Variants in PRIMPOL observed in about 807,000 individuals in gnomAD.
The protein encoded by PRIMPOL is DNA-directed primase/polymerase protein.
A neutral mutation model predicts 63.6 loss-of-function variants in PRIMPOL; 54 were observed. The observed-to-expected ratio is 0.85, with a 90% CI of 0.68 to 1.07. PRIMPOL has a LOEUF of 1.07. PRIMPOL is among the 50% of genes least tolerant of loss of function. PRIMPOL has a pLI of 0.00. For missense variants in PRIMPOL, 610 were observed against 648.3 expected (o/e 0.94, Z 0.64); for synonymous variants, 197 against 220.2 (o/e 0.89, Z 0.93).
At chr4:184,667,115 C>A (rs952606794) in intron 6 of PRIMPOL, among the ~76,000 whole-genome samples, 2 of 152,152 alleles carry the variant, frequency 1.3e-5, no homozygotes, top group African/African-American at 4.8e-5. Context: ...GGCATGAAAG[C>A]CAGGAACCTG....
At chr4:184,679,728 G>T (rs1318699869) in intron 8 of PRIMPOL, among the ~76,000 whole-genome samples, 1 of 152,076 alleles carries the variant, frequency 6.6e-6, no homozygotes, top group African/African-American at 2.4e-5. Flanking sequence ...CCTCAGCTCC[G>T]CCTCCTGCCA....
At chr4:184,684,873 G>T (rs1756608534) in intron 9 of PRIMPOL, among the ~76,000 whole-genome samples, 1 of 152,146 alleles carries the variant, frequency 6.6e-6, no homozygotes, top group East Asian at 1.9e-4. Flanking sequence ...AAAAAAACCA[G>T]CAGTTGCTTC....
At chr4:184,679,975 T>C (rs1755169918) in intron 8 of PRIMPOL, among the ~76,000 whole-genome samples, 1 of 152,208 alleles carries the variant, frequency 6.6e-6, no homozygotes, top group Admixed American at 6.5e-5. Flanking sequence ...GGAAATGATG[T>C]TGAACAAAAC....
intron 7 of PRIMPOL, among the ~76,000 whole-genome samples, chr4:184,676,340 C>A (rs1443837111): frequency 1.3e-4 from 17 of 127,676 alleles, no homozygotes; most frequent in African/African-American, 4.6e-4. Context: ...CCTTCCCTTC[C>A]TTTCTCCTTT....
intron 2 of PRIMPOL, among the ~76,000 whole-genome samples, chr4:184,652,407 A>G (rs1200275975): frequency 2.3e-4 from 5 of 21,714 alleles, no homozygotes; most frequent in South Asian, 2.6e-3. Context: ...GAGGAACTGG[A>G]AAAAAAAAAA....
At position 184,677,535 on chromosome 4, in the gene PRIMPOL, GT is replaced by G. The variant is rs58069133; in HGVS notation, c.845-696del. On this transcript the variant is annotated intron_variant, in intron 7 of 13. Coordinates refer to ENST00000314970, the MANE Select transcript of PRIMPOL (RefSeq NM_152683.4). The stretch of plus-strand genomic sequence containing the variant: ...TTATATATTAGATAGGCACGACACT[GT>G]CTAATATAGTTTTGTTATAAGTCTT... Among the ~76,000 whole-genome samples the G allele has an allele frequency of 0.021, 172 of 8,276 alleles. 1 individual carries two copies. The East Asian group carries it at 0.49, about 24-fold the overall frequency. 5.4% of individuals were successfully genotyped at this position (8,276 alleles called of 152,430 possible). A position where few individuals can be genotyped will look rare whatever the true frequency, so the allele number is the denominator to read the frequency against.
intron 5 of PRIMPOL, among the ~76,000 whole-genome samples, chr4:184,663,270 C>T (rs1489925178): frequency 6.6e-6 from 1 of 152,064 alleles, no homozygotes; most frequent in Non-Finnish European, 1.5e-5. Flanking sequence ...TTCTTGAACT[C>T]CTGGCCTCAA....
chr4:184,683,291 C>T (rs1049752972), intron 9 of PRIMPOL, among the ~76,000 whole-genome samples: 1 of 151,836 alleles, frequency 6.6e-6, no homozygotes, highest in African/African-American at 2.4e-5. Context: ...GGCATGGTGG[C>T]GGGTGCCTGT....
rs567589165 is a variant in PRIMPOL, at chr4:184,682,729, T to G, written c.1096+393T>G. Among the ~76,000 whole-genome samples the G allele has an allele frequency of 2.0e-5, 3 of 152,266 alleles. No individual in the cohort carries two copies. In the East Asian group the frequency reaches 5.8e-4, roughly 29 times the overall value. Reference sequence around the variant, plus strand: ...GTTTTGCCTTTAAAATCTTCAGTGTTAAGTGTTCATAATCACTGACCTTTC... The same window carrying G: ...GTTTTGCCTTTAAAATCTTCAGTGTGAAGTGTTCATAATCACTGACCTTTC... On this transcript the variant is annotated intron_variant, in intron 9 of 13. Coordinates refer to ENST00000314970, the MANE Select transcript of PRIMPOL (RefSeq NM_152683.4).
chr4:184,659,504 T>C, intron 4 of PRIMPOL, 67 bp downstream of exon 4: 1 of 1,162,750 alleles, frequency 8.6e-7, no homozygotes, highest in Non-Finnish European at 1.3e-6. Flanking sequence ...GGAATTTTGG[T>C]GAAATTAGTT....
intron 11 of PRIMPOL, among the ~76,000 whole-genome samples, chr4:184,686,775 C>A (rs1438476353): frequency 6.6e-6 from 1 of 151,980 alleles, no homozygotes; most frequent in East Asian, 1.9e-4. Context: ...CATTGGGTAG[C>A]ATGGTTCAGT....
chr4:184,692,938 G>T (rs925339231), intron 13 of PRIMPOL, among the ~76,000 whole-genome samples: 1 of 152,082 alleles, frequency 6.6e-6, no homozygotes, highest in African/African-American at 2.4e-5. Context: ...CCATTTTTCT[G>T]TAACTTTTTT....
chr4:184,673,052 A>G lies in PRIMPOL; in HGVS notation c.844+592A>G, dbSNP rs182242647. On this transcript the variant is annotated intron_variant, in intron 7 of 13. Coordinates refer to ENST00000314970, the MANE Select transcript of PRIMPOL (RefSeq NM_152683.4). The stretch of plus-strand genomic sequence containing the variant: ...TCGAGACCCTAACACAACAGCTCCC[A>G]TTGGTGAACTGCACCTCATTTTTAT... Among the ~76,000 whole-genome samples the G allele has an allele frequency of 2.8e-3, 425 of 152,142 alleles. 3 individuals carry two copies. The highest frequency in any genetic ancestry group is 0.021 in the Admixed American group (317 of 15,284).
intron 4 of PRIMPOL, among the ~76,000 whole-genome samples, chr4:184,660,604 GATTT>G (rs1251973328): frequency 6.6e-6 from 1 of 152,138 alleles, no homozygotes; most frequent in Non-Finnish European, 1.5e-5. Context: ...TATGAAACTG[GATTT>G]ATTTATGTTG....
intron 2 of PRIMPOL, 62 bp from the exon 3 acceptor site, chr4:184,657,020 A>G (rs1187129793): frequency 1.3e-6 from 1 of 751,228 alleles, no homozygotes; most frequent in African/African-American, 1.8e-5. Flanking sequence ...TTGAAACTTT[A>G]TCAAACAAAA....
At chr4:184,669,903 G>C (rs750975421) in intron 6 of PRIMPOL, among the ~76,000 whole-genome samples, 1 of 152,144 alleles carries the variant, frequency 6.6e-6, no homozygotes, top group East Asian at 1.9e-4. Flanking sequence ...TCTTCCTTTA[G>C]TGTGTCTTTT....
rs149770026 is a variant in PRIMPOL at position 184,686,353 on chromosome 4, C to G, written c.1295+669C>G. ...ATTGGCCCTTGCCACCTTATGGACT[C>G]TACGTCGAAAGTGCGCAGGTTTGGG... is the stretch of plus-strand genomic sequence containing the variant. On this transcript the variant is annotated intron_variant, in intron 11 of 13. Coordinates refer to ENST00000314970, the MANE Select transcript of PRIMPOL (RefSeq NM_152683.4). 8.5e-5 allele frequency among the ~76,000 whole-genome samples: 13 copies of G among 152,238 alleles called. No homozygotes were observed. In the East Asian group the frequency reaches 2.5e-3, roughly 29 times the overall value.
At chr4:184,681,487 G>A (rs1479247695) in intron 8 of PRIMPOL, among the ~76,000 whole-genome samples, 7 of 151,900 alleles carry the variant, frequency 4.6e-5, no homozygotes, top group Admixed American at 2.6e-4. Context: ...ACCTAATATA[G>A]TGCACATGCT....
chr4:184,667,797 G>A (rs1750500021), intron 6 of PRIMPOL, among the ~76,000 whole-genome samples: 1 of 152,006 alleles, frequency 6.6e-6, no homozygotes, highest in South Asian at 2.1e-4. Context: ...CCCTTATAAG[G>A]TTATACCCCA....
Sources: allele counts gnomAD v4.1 joint callset (sites outside exome capture counted in the v4.1 genomes callset), GRCh38; gene constraint gnomAD v4.1.1; transcripts MANE v1.5; gene names NCBI Gene and HGNC (gene_info 2026-07-23, HGNC 2026-07-21).